The following B3GALT1 variants were observed in gnomAD, a reference collection of about 807,000 sequenced individuals.
B3GALT1 encodes beta-1,3-galactosyltransferase 1, also known as UDP-Gal:betaGlcNAc beta 1,3-galactosyltransferase, polypeptide 1.
A neutral mutation model predicts 23.2 loss-of-function variants in B3GALT1; 10 were observed. The observed-to-expected ratio is 0.43, with a 90% CI of 0.27 to 0.73. The LOEUF (loss-of-function observed/expected upper bound fraction) is 0.73, where lower values mean the gene tolerates loss of function less well. Among genes scored for constraint, B3GALT1 ranks in the 30% least tolerant of loss-of-function variants. The pLI is 0.21. For synonymous variants in B3GALT1, 156 were observed against 141.5 expected, an observed-to-expected ratio of 1.10 and a Z score of -0.73; for missense variants, 299 against 405.4, an observed-to-expected ratio of 0.74 and a Z score of 2.25.
intron 1 of B3GALT1, among the ~76,000 whole-genome samples, chr2:167,448,906 T>C (rs528625944): frequency 6.6e-6 from 1 of 152,330 alleles, no homozygotes; most frequent in African/African-American, 2.4e-5. Flanking sequence ...ATCAGTTGGC[T>C]ATAAGTGTTT....
intron 1 of B3GALT1, among the ~76,000 whole-genome samples, chr2:167,396,560 G>C (rs1698101560): frequency 6.7e-6 from 1 of 149,624 alleles, no homozygotes; most frequent in South Asian, 2.1e-4. Flanking sequence ...GTGTGTGTGT[G>C]TGTGTTTAAT....
intron 2 of B3GALT1, among the ~76,000 whole-genome samples, chr2:167,598,115 T>C (rs975573324): frequency 2.6e-5 from 4 of 152,350 alleles, no homozygotes; most frequent in Admixed American, 2.6e-4. Flanking sequence ...TAAAGAATTC[T>C]AGCAGATATT....
At chr2:167,304,365 T>C (rs928061238) in intron 1 of B3GALT1, among the ~76,000 whole-genome samples, 1 of 152,164 alleles carries the variant, frequency 6.6e-6, no homozygotes, top group African/African-American at 2.4e-5. Context: ...TTGTTTCTTG[T>C]AAGTGGTTGA....
intron 2 of B3GALT1, among the ~76,000 whole-genome samples, chr2:167,499,967 G>A (rs542086409): frequency 6.6e-6 from 1 of 152,112 alleles, no homozygotes; most frequent in East Asian, 1.9e-4. Flanking sequence ...GGTCAGGGGT[G>A]GTGTGTGTAT....
Position 167,446,126 on chromosome 2 carries a change from T to G in B3GALT1, c.-510-44051T>G, listed in dbSNP as rs574973673. 2.0e-5 allele frequency among the ~76,000 whole-genome samples: 3 copies of G among 152,320 alleles called. No homozygotes were observed. In the South Asian group the frequency reaches 6.2e-4, roughly 32 times the overall value. ...TCTATTTCTCCTTCACTTATGAAAC[T>G]TAGTTTGGCTGGATATGAAATTCTG... is the stretch of plus-strand genomic sequence containing the variant. On this transcript the variant is annotated intron_variant, in intron 1 of 4. Coordinates refer to ENST00000392690, the MANE Select transcript of B3GALT1 (RefSeq NM_020981.4).
At chr2:167,679,347 G>T (rs1174421421) in intron 3 of B3GALT1, among the ~76,000 whole-genome samples, 3 of 151,994 alleles carry the variant, frequency 2.0e-5, no homozygotes, top group Non-Finnish European at 4.4e-5. Context: ...TGGAACTCCT[G>T]ACCTCAGGTG....
chr2:167,710,819 C>T (rs1687035754), intron 3 of B3GALT1, among the ~76,000 whole-genome samples: 1 of 152,124 alleles, frequency 6.6e-6, no homozygotes, highest in African/African-American at 2.4e-5. Context: ...TAAGACATAC[C>T]ATCCTGGTCT....
At chr2:167,855,216 C>A (rs1028174160) in intron 4 of B3GALT1, among the ~76,000 whole-genome samples, 1 of 152,102 alleles carries the variant, frequency 6.6e-6, no homozygotes, top group Non-Finnish European at 1.5e-5. Context: ...CACATTAAGT[C>A]ATGGATAATT....
chr2:167,483,042 C>G lies in B3GALT1; in HGVS notation c.-510-7135C>G, dbSNP rs536813555. Among the ~76,000 whole-genome samples, 509 of 152,172 alleles carry G rather than the reference C, an allele frequency of 3.3e-3. 5 individuals are homozygous for G. The highest frequency in any genetic ancestry group is 5.7e-3 in the Non-Finnish European group (385 of 68,012). ...GGCGGGGTGGCTCACTCCTGTAATCCCAGCACTTTGGGAGGTGGAGGCAGG... is the reference window on the plus strand; with the variant it reads ...GGCGGGGTGGCTCACTCCTGTAATCGCAGCACTTTGGGAGGTGGAGGCAGG... On this transcript the variant is annotated intron_variant, in intron 1 of 4. Coordinates refer to ENST00000392690, the MANE Select transcript of B3GALT1 (RefSeq NM_020981.4).
At chr2:167,467,295 G>T (rs2105328919) in intron 1 of B3GALT1, among the ~76,000 whole-genome samples, 1 of 152,082 alleles carries the variant, frequency 6.6e-6, no homozygotes, top group African/African-American at 2.4e-5. Context: ...GAAAACCCAA[G>T]TATTCTTTTG....
chr2:167,823,615 A>C (rs1183859976), intron 4 of B3GALT1, among the ~76,000 whole-genome samples: 1 of 152,226 alleles, frequency 6.6e-6, no homozygotes, highest in African/African-American at 2.4e-5. Context: ...TCTCATTTGA[A>C]TATTCATTAT....
chr2:167,516,777 G>A (rs1473027911), intron 2 of B3GALT1, among the ~76,000 whole-genome samples: 1 of 151,882 alleles, frequency 6.6e-6, no homozygotes, highest in African/African-American at 2.4e-5. Flanking sequence ...TATGAAACCA[G>A]TACAAACACA....
chr2:167,398,061 CATTTTTA>C (rs1263565962), intron 1 of B3GALT1, among the ~76,000 whole-genome samples: 1 of 152,128 alleles, frequency 6.6e-6, no homozygotes, highest in Non-Finnish European at 1.5e-5. Context: ...TAGCATGAAA[CATTTTTA>C]TATGCCCCTG....
At chr2:167,536,944 G>A (rs1054981157) in intron 2 of B3GALT1, among the ~76,000 whole-genome samples, 12 of 152,102 alleles carry the variant, frequency 7.9e-5, no homozygotes, top group African/African-American at 2.9e-4. Flanking sequence ...CCATCTGCTT[G>A]CTTCTTGCCC....
intron 2 of B3GALT1, among the ~76,000 whole-genome samples, chr2:167,518,611 A>C (rs1468549533): frequency 6.6e-6 from 1 of 152,218 alleles, no homozygotes; most frequent in Non-Finnish European, 1.5e-5. Context: ...CTGTTCTTAC[A>C]AAGTTTTATC....
At chr2:167,513,997 C>T (rs992371190) in intron 2 of B3GALT1, among the ~76,000 whole-genome samples, 6 of 152,168 alleles carry the variant, frequency 3.9e-5, no homozygotes, top group Admixed American at 3.9e-4. Flanking sequence ...AGCTCCGCCT[C>T]CCGGGTTCAT....
chr2:167,654,456 A>AT (rs1685919258), intron 3 of B3GALT1, among the ~76,000 whole-genome samples: 1 of 152,050 alleles, frequency 6.6e-6, no homozygotes, highest in African/African-American at 2.4e-5. Context: ...CTGCGTCAGA[A>AT]TGTTCTCTCC....
At chr2:167,607,201 A>G (rs1478822793) in intron 2 of B3GALT1, among the ~76,000 whole-genome samples, 2 of 152,196 alleles carry the variant, frequency 1.3e-5, no homozygotes, top group Non-Finnish European at 2.9e-5. Context: ...TGAAAGAAAT[A>G]AAAAGAAGAG....
At chr2:167,481,097 GTCTGC>G (rs1183395519) in intron 1 of B3GALT1, among the ~76,000 whole-genome samples, 2 of 152,120 alleles carry the variant, frequency 1.3e-5, no homozygotes, top group African/African-American at 4.8e-5. Context: ...AAAGACGATT[GTCTGC>G]ACTGTTGACT....
Sources: gnomAD v4.1 joint callset for allele counts (sites outside exome capture counted in the v4.1 genomes callset) on GRCh38, gnomAD v4.1.1 for gene constraint, MANE v1.5 for transcripts, NCBI Gene and HGNC (gene_info 2026-07-23, HGNC 2026-07-21) for gene names.